EOLA1: variants seen among roughly 807,000 people sequenced by gnomAD.
The protein encoded by EOLA1 is protein EOLA1.
Under a neutral mutation model 4.5 loss-of-function variants are expected in EOLA1, and 1 was observed. The ratio of observed to expected loss-of-function variants is 0.22; its 90% CI spans 0.08 to 1.05. EOLA1 has a LOEUF of 1.05. EOLA1 is among the 50% of genes least tolerant of loss of function. The pLI is 0.57. For synonymous variants in EOLA1, 37 were observed against 52.3 expected (o/e 0.71, Z 1.26); for missense variants, 69 against 127.2 (o/e 0.54, Z 2.20).
rs150645801 is a variant in EOLA1, at chrX:149,545,750, C to T, written c.120C>T (p.Ala40=). The T allele has an allele frequency of 1.2e-4, 149 of 1,210,754 alleles. No individual in the cohort carries two copies. The highest frequency in any genetic ancestry group is 1.6e-4 in the Non-Finnish European group (143 of 895,250). ...LLSSQRNCTI[A]VHIAHRDWEG... ...GCAGCCAGCGGAACTGTACCATCGC[C>T]GTCCACATTGCTCACAGGGACTGGG... The change falls in exon 4 of 5, where the codon GCC becomes GCT. Residue 40 remains alanine, a synonymous_variant. Transcript: ENST00000393985.
rs782770827 is a variant in EOLA1 at position 149,545,911 on chromosome X, A to G, written c.253+28A>G. ...AAGTGACAATGTACCAAATGCGCAG[A>G]CAACGCCTAGGGCTGCTGCCCAAGA... On this transcript the variant is annotated intron_variant, in intron 4 of 4. Coordinates refer to ENST00000393985, the MANE Select transcript of EOLA1 (RefSeq NM_001171907.3). The G allele has an allele frequency of 6.1e-5, 73 of 1,188,606 alleles. No individual in the cohort carries two copies. The African/African-American group carries it at 1.2e-3, about 19-fold the overall frequency.
chrX:149,542,112 G>C, intron 2 of EOLA1, 27 bp downstream of exon 2: 4 of 621,435 alleles, frequency 6.4e-6, no homozygotes, highest in Non-Finnish European at 7.7e-6. Context: ...CCCCCTTCTT[G>C]CCTTTTCAGT....
In EOLA1 at chrX:149,547,074, C is replaced by G; in HGVS notation, c.*112C>G. ...ACATTAGGTTAAATCTGAATTTCCA[C>G]TGCTTTGGAGAGTCCCACCCACTAA... On this transcript the variant is annotated 3_prime_UTR_variant, in exon 5 of 5. Coordinates refer to ENST00000393985, the MANE Select transcript of EOLA1 (RefSeq NM_001171907.3). 1 of 1,151,021 alleles carries G rather than the reference C, an allele frequency of 8.7e-7. No homozygotes were observed. The highest frequency in any genetic ancestry group is 1.2e-6 in the Non-Finnish European group (1 of 863,544). The allele number at this position is 1,151,021 out of a possible 1,213,427, so 94.9% of individuals were successfully genotyped here.
rs1448863047 is a variant in EOLA1, at chrX:149,542,057, C to T, written c.-191C>T. On this transcript the variant is annotated 5_prime_UTR_variant, in exon 2 of 5. Transcript: ENST00000393985. ...GTGGAAGAGTGTTTCCTCCTCTGGC[C>T]GTAAAGCAGGTACTCTCTGCAGCAC... The T allele has an allele frequency of 5.3e-6, 4 of 751,324 alleles. No homozygotes were observed. The highest frequency in any genetic ancestry group is 6.3e-6 in the Non-Finnish European group (4 of 636,106). 61.9% of individuals were successfully genotyped at this position (751,324 alleles called of 1,213,427 possible).
intron 2 of EOLA1, chrX:149,544,964 G>A (rs2089809642): frequency 1.4e-6 from 1 of 740,382 alleles, no homozygotes; most frequent in African/African-American, 2.4e-5. Context: ...TGCTGACAGT[G>A]GAGAGCAGTG....
At chrX:149,548,341 AGT>A (rs1458179045), downstream of EOLA1, 1 of 931,355 alleles carries the variant, frequency 1.1e-6, no homozygotes, top group Non-Finnish European at 1.3e-6. Context: ...ACGAATTTGC[AGT>A]GTTTCTGAAC....
chrX:149,544,730 G>A (rs1602803799), intron 2 of EOLA1: 2 of 752,794 alleles, frequency 2.7e-6, no homozygotes, highest in East Asian at 3.0e-4. Context: ...CAAGAGTTGT[G>A]GGAAGTCAGA....
At chrX:149,541,803 C>T (rs2089734996) in intron 1 of EOLA1, 2 of 754,110 alleles carry the variant, frequency 2.7e-6, no homozygotes, top group South Asian at 1.3e-4. Context: ...GCTGGTGCAC[C>T]CTGTGGTCCT....
chrX:149,541,394 G>A (rs1455868787), intron 1 of EOLA1, 51 bp downstream of exon 1: 1 of 113,598 alleles, frequency 8.8e-6, no homozygotes, highest in East Asian at 2.8e-4. Flanking sequence ...ACTCGTGCGG[G>A]GCGCGACCGA....
rs3747443 is a variant in EOLA1, at chrX:149,541,185, A to G, written c.-388A>G. The G allele has an allele frequency of 0.17, 18,696 of 111,682 alleles. 2,100 individuals carry two copies. The highest frequency in any genetic ancestry group is 0.41 in the African/African-American group (12,302 of 30,348). The allele number at this position is 111,682 out of a possible 1,213,427, so 9.2% of individuals were successfully genotyped here. On this transcript the variant is annotated 5_prime_UTR_variant, in exon 1 of 5. Transcript: ENST00000393985. ...CGGTGGCCTCGCTGGGTCTCGGGGAAGCAGAGGACTGTTCATTCCTGTGGC... is the reference window on the plus strand; with the variant it reads ...CGGTGGCCTCGCTGGGTCTCGGGGAGGCAGAGGACTGTTCATTCCTGTGGC...
chrX:149,543,286 TA>T, intron 2 of EOLA1, among the ~76,000 whole-genome samples: 1 of 68,850 alleles, frequency 1.5e-5, no homozygotes, highest in Non-Finnish European at 2.7e-5. Context: ...GGGTGGTGAA[TA>T]AAGGGGAGAG....
chrX:149,541,247 C>G lies in EOLA1; in HGVS notation c.-326C>G, dbSNP rs1439876597. On this transcript the variant is annotated 5_prime_UTR_variant, in exon 1 of 5. Transcript: ENST00000393985. ...GTCGGCCCTAGACACCCACGACTCGCAGGGTCCATGGTTCCGGAGGCCGTG... is the reference window on the plus strand; with the variant it reads ...GTCGGCCCTAGACACCCACGACTCGGAGGGTCCATGGTTCCGGAGGCCGTG... The G allele has an allele frequency of 8.8e-6, 1 of 113,665 alleles. No individual in the cohort carries two copies. Among genetic ancestry groups the G allele is most frequent in the Non-Finnish European group, 1.9e-5 (1 of 53,356 alleles). The allele number at this position is 113,665 out of a possible 1,213,427, so 9.4% of individuals were successfully genotyped here.
intron 2 of EOLA1, among the ~76,000 whole-genome samples, chrX:149,543,982 G>A (rs1291691437): frequency 7.7e-5 from 1 of 12,982 alleles, no homozygotes; most frequent in African/African-American, 3.9e-4. Flanking sequence ...GGTGGTGGGG[G>A]GGGTGGGGAA....
chrX:149,541,974 T>A (rs1396761017), intron 1 of EOLA1, 45 bp from the exon 2 acceptor site: 20 of 694,093 alleles, frequency 2.9e-5, no homozygotes, highest in Non-Finnish European at 3.3e-5. Flanking sequence ...AGCTTTGCTG[T>A]CTTGCACTTA....
rs1254362485 is a variant in EOLA1, at chrX:149,548,200, C to T, written c.*1238C>T. 6 of 384,248 alleles carry T rather than the reference C, an allele frequency of 1.6e-5. No individual in the cohort carries two copies. The highest frequency in any genetic ancestry group is 2.7e-5 in the African/African-American group (1 of 36,805). 31.7% of individuals were successfully genotyped at this position (384,248 alleles called of 1,213,427 possible). ...ATAATATACAAGGTTAAAAAAAACA[C>T]AGACAACAGTTCTCATTTAAATTGT... On this transcript the variant is annotated 3_prime_UTR_variant, in exon 5 of 5. Coordinates refer to ENST00000393985, the MANE Select transcript of EOLA1 (RefSeq NM_001171907.3).
In EOLA1 at chrX:149,546,943, C is replaced by A. The variant is rs146921818; in HGVS notation, c.458C>A (p.Pro153His). 3,208 of 1,203,375 alleles carry A rather than the reference C, an allele frequency of 2.7e-3. 7 individuals are homozygous for A. Among genetic ancestry groups the A allele is most frequent in the Non-Finnish European group, 3.3e-3 (2,977 of 892,038 alleles). ...FQVDIPEHLIPLGHEV is the reference protein window; with the variant it reads ...FQVDIPEHLIHLGHEV ...GTAGACATCCCAGAGCACCTGATCC[C>A]TTTGGGGCATGAAGTGTGACAAGTG... Residue 153 changes from proline (P) to histidine (H), a missense_variant, in exon 5 of 5, where the codon CCT becomes CAT. Pro to His is a moderately conservative substitution (Grantham distance 77, BLOSUM62 -2). Coordinates refer to ENST00000393985, the MANE Select transcript of EOLA1 (RefSeq NM_001171907.3).
At chrX:149,546,216 CA>C (rs2124150548) in intron 4 of EOLA1, among the ~76,000 whole-genome samples, 1 of 101,572 alleles carries the variant, frequency 9.8e-6, no homozygotes, top group East Asian at 3.2e-4. Flanking sequence ...ACATGTGTGG[CA>C]GAGACCATGA....
At position 149,547,037 on chromosome X, in the gene EOLA1, G is replaced by A. The variant is rs1157632206; in HGVS notation, c.*75G>A. On this transcript the variant is annotated 3_prime_UTR_variant, in exon 5 of 5. Coordinates refer to ENST00000393985, the MANE Select transcript of EOLA1 (RefSeq NM_001171907.3). ...GACACCTTCAATTTGCCATCATGAC[G>A]CAGACCTGTATACATTAGGTTAAAT... 4.3e-5 allele frequency: 51 copies of A among 1,196,603 alleles called. No individual in the cohort carries two copies. Among genetic ancestry groups the A allele is most frequent in the African/African-American group, 8.7e-5 (5 of 57,547 alleles).
At chrX:149,545,087 C>T (rs2089813039) in intron 2 of EOLA1, 1 of 673,464 alleles carries the variant, frequency 1.5e-6, no homozygotes, top group Non-Finnish European at 1.8e-6. Flanking sequence ...GATTGGATAT[C>T]AACGATGTGG....
Sources: allele counts gnomAD v4.1 joint callset (sites outside exome capture counted in the v4.1 genomes callset), GRCh38; gene constraint gnomAD v4.1.1; transcripts MANE v1.5; gene names NCBI Gene and HGNC (gene_info 2026-07-23, HGNC 2026-07-21).